DPH6: variants seen among roughly 807,000 people sequenced by gnomAD.
The protein encoded by DPH6 is diphthamine biosynthesis 6, also known as diphthine--ammonia ligase.
In DPH6, 33 loss-of-function variants were observed where a neutral mutation model predicts 38.2. The observed-to-expected ratio is 0.86, with a 90% CI of 0.65 to 1.15. DPH6 has a LOEUF of 1.15. DPH6 is among the 50% of genes most tolerant of loss of function. The probability of loss-of-function intolerance (pLI) is 0.00; values close to 1 mark genes in which losing one functional copy is unlikely to be tolerated. For missense variants in DPH6, 325 were observed against 320.0 expected (o/e 1.02, Z -0.12); for synonymous variants, 108 against 103.0 (o/e 1.05, Z -0.30).
chr15:35,510,347 A>G (rs1250851734), intron 3 of DPH6, among the ~76,000 whole-genome samples: 2 of 152,210 alleles, frequency 1.3e-5, no homozygotes, highest in Non-Finnish European at 2.9e-5. Context: ...ATCACTATGC[A>G]GGTTCTGACA....
intron 5 of DPH6, among the ~76,000 whole-genome samples, chr15:35,422,226 T>C (rs564575706): frequency 6.6e-6 from 1 of 151,992 alleles, no homozygotes; most frequent in East Asian, 1.9e-4. Context: ...CCATGAATCA[T>C]CAGAGAAGAG....
chr15:35,491,664 TAA>T (rs944829229), intron 3 of DPH6, among the ~76,000 whole-genome samples: 9 of 151,502 alleles, frequency 5.9e-5, no homozygotes, highest in African/African-American at 1.9e-4. Context: ...ACTATAGATC[TAA>T]AAAGAGATTT....
At chr15:35,243,075 CA>C (rs1171374574) in intron 3 of DPH6, among the ~76,000 whole-genome samples, 1 of 142,516 alleles carries the variant, frequency 7.0e-6, no homozygotes, top group Non-Finnish European at 1.5e-5. Context: ...TAGGTCCTCC[CA>C]ATTCTTAGTC....
intron 3 of DPH6, among the ~76,000 whole-genome samples, chr15:35,248,238 TC>T (rs1473229524): frequency 6.6e-6 from 1 of 152,164 alleles, no homozygotes; most frequent in Non-Finnish European, 1.5e-5. Flanking sequence ...GAAACTAGAA[TC>T]CCTTTTCTCC....
At chr15:35,326,596 T>G (rs2052284359), downstream of DPH6, among the ~76,000 whole-genome samples, 1 of 152,020 alleles carries the variant, frequency 6.6e-6, no homozygotes, top group Admixed American at 6.5e-5. Flanking sequence ...CGTGCCCAGC[T>G]AATTTTTAAA....
At chr15:35,444,129 C>A (rs1187688700) in intron 5 of DPH6, among the ~76,000 whole-genome samples, 1 of 152,150 alleles carries the variant, frequency 6.6e-6, no homozygotes, top group Non-Finnish European at 1.5e-5. Flanking sequence ...ACAAAAACAA[C>A]CTTTTTAAAT....
At chr15:35,415,859 A>G (rs2053429323) in intron 5 of DPH6, among the ~76,000 whole-genome samples, 1 of 152,056 alleles carries the variant, frequency 6.6e-6, no homozygotes. Flanking sequence ...AGATCATTTC[A>G]CTACAAAAGG....
chr15:35,266,419 TAA>T (rs1030812044), intron 3 of DPH6, among the ~76,000 whole-genome samples: 5 of 152,220 alleles, frequency 3.3e-5, no homozygotes, highest in Non-Finnish European at 5.9e-5. Context: ...GGTAGGCTAA[TAA>T]AAAGTCAGCT....
intron 4 of DPH6, among the ~76,000 whole-genome samples, chr15:35,451,826 C>A (rs1255488910): frequency 6.6e-6 from 1 of 152,064 alleles, no homozygotes; most frequent in African/African-American, 2.4e-5. Context: ...CTGGCTAACA[C>A]GGTGAAACCC....
chr15:35,152,355 C>T, the DPH6 span, among the ~76,000 whole-genome samples: 1 of 151,994 alleles, frequency 6.6e-6, no homozygotes, highest in African/African-American at 2.4e-5. Flanking sequence ...TGAAGAGTCA[C>T]AGTTGACATC....
intron 5 of DPH6, among the ~76,000 whole-genome samples, chr15:35,444,599 AAAC>A (rs1270342201): frequency 1.3e-5 from 2 of 152,202 alleles, no homozygotes; most frequent in Non-Finnish European, 2.9e-5. Flanking sequence ...GAATCTTTAA[AAAC>A]AACAACTTCC....
At chr15:35,543,280 A>T (rs2055292979) in intron 1 of DPH6, among the ~76,000 whole-genome samples, 1 of 119,878 alleles carries the variant, frequency 8.3e-6, no homozygotes, top group African/African-American at 4.4e-5. Context: ...ATATATATAT[A>T]TATATATATA....
intron 5 of DPH6, among the ~76,000 whole-genome samples, chr15:35,447,444 C>G (rs530857793): frequency 2.0e-5 from 3 of 152,088 alleles, no homozygotes; most frequent in African/African-American, 7.2e-5. Flanking sequence ...CGTCCCCCCC[C>G]GCCATTTCCA....
the DPH6 span, among the ~76,000 whole-genome samples, chr15:35,159,123 C>T: frequency 6.6e-6 from 1 of 152,110 alleles, no homozygotes; most frequent in Non-Finnish European, 1.5e-5. Flanking sequence ...TTTCTCTCTA[C>T]TCCTCACTCT....
chr15:35,328,479 A>G (rs1419335044), downstream of DPH6, among the ~76,000 whole-genome samples: 1 of 152,336 alleles, frequency 6.6e-6, no homozygotes, highest in East Asian at 1.9e-4. Flanking sequence ...AGCAACTAGC[A>G]TAGTACTTGA....
intron 6 of DPH6, among the ~76,000 whole-genome samples, chr15:35,391,684 G>A (rs568943703): frequency 6.6e-5 from 10 of 152,280 alleles, no homozygotes; most frequent in South Asian, 6.2e-4. Context: ...TGTTAAGCCC[G>A]TTGGAAAAGC....
chr15:35,531,827 T>C (rs1365625898), intron 3 of DPH6, among the ~76,000 whole-genome samples: 1 of 152,184 alleles, frequency 6.6e-6, no homozygotes, highest in Non-Finnish European at 1.5e-5. Context: ...ATATTCAATA[T>C]TCTTTTAAGA....
intron 3 of DPH6, among the ~76,000 whole-genome samples, chr15:35,232,521 C>T (rs1405900399): frequency 6.6e-6 from 1 of 152,066 alleles, no homozygotes; most frequent in African/African-American, 2.4e-5. Flanking sequence ...GCAGAGGTTG[C>T]AGTGAGCTGA....
chr15:35,205,318 G>A, the DPH6 span, among the ~76,000 whole-genome samples: 2 of 151,780 alleles, frequency 1.3e-5, no homozygotes, highest in African/African-American at 2.4e-5. Flanking sequence ...GAGTTATCAG[G>A]GTGTATTTTG....
Sources: allele counts gnomAD v4.1 joint callset (sites outside exome capture counted in the v4.1 genomes callset), GRCh38; gene constraint gnomAD v4.1.1; transcripts MANE v1.5; gene names NCBI Gene and HGNC (gene_info 2026-07-23, HGNC 2026-07-21).